ERBB4: variants seen among roughly 807,000 people sequenced by gnomAD.
The protein encoded by ERBB4 is receptor tyrosine-protein kinase erbB-4.
ERBB4 carries 42 observed loss-of-function variants against 158.0 expected under a neutral mutation model. The observed-to-expected ratio is 0.27, with a 90% CI of 0.21 to 0.34. The LOEUF is 0.34. ERBB4 is among the 10% of genes least tolerant of loss of function. The pLI is 1.00. For missense variants in ERBB4, 1,333 were observed against 1,624.1 expected (o/e 0.82, Z 3.08); for synonymous variants, 583 against 558.7 (o/e 1.04, Z -0.61).
At chr2:211,471,342 T>G (rs1267585035) in intron 20 of ERBB4, among the ~76,000 whole-genome samples, 2 of 152,082 alleles carry the variant, frequency 1.3e-5, no homozygotes, top group Non-Finnish European at 1.5e-5. Flanking sequence ...CTGAGCAAAT[T>G]TAAATGGTTG....
intron 17 of ERBB4, among the ~76,000 whole-genome samples, chr2:211,624,940 G>T (rs535510121): frequency 3.1e-4 from 47 of 152,048 alleles, no homozygotes; most frequent in Non-Finnish European, 6.2e-4. Flanking sequence ...TCACAGGGGG[G>T]GCTGGGTGTG....
chr2:212,086,454 A>G (rs2078615537), intron 2 of ERBB4, among the ~76,000 whole-genome samples: 1 of 151,966 alleles, frequency 6.6e-6, no homozygotes, highest in South Asian at 2.1e-4. Context: ...TAAGAAAAAA[A>G]GAAAACCAAA....
At chr2:212,534,339 A>T (rs1692923205) in intron 1 of ERBB4, among the ~76,000 whole-genome samples, 1 of 152,202 alleles carries the variant, frequency 6.6e-6, no homozygotes, top group Non-Finnish European at 1.5e-5. Context: ...CATTTTTTAA[A>T]TAGCAGTGGT....
intron 1 of ERBB4, among the ~76,000 whole-genome samples, chr2:212,531,093 A>G (rs1692731588): frequency 6.6e-6 from 1 of 152,122 alleles, no homozygotes; most frequent in Non-Finnish European, 1.5e-5. Context: ...TTCTCATGGG[A>G]GAGGCTTAAT....
intron 1 of ERBB4, among the ~76,000 whole-genome samples, chr2:212,281,542 C>T (rs2085759976): frequency 6.6e-6 from 1 of 151,678 alleles, no homozygotes; most frequent in Non-Finnish European, 1.5e-5. Flanking sequence ...ACATCAGTTG[C>T]TCTAGCTCTC....
chr2:211,440,095 G>A (rs1021991787), intron 20 of ERBB4, among the ~76,000 whole-genome samples: 2 of 152,146 alleles, frequency 1.3e-5, no homozygotes, highest in East Asian at 1.9e-4. Context: ...AACAGCATGT[G>A]CGAAAAACCT....
At chr2:212,055,106 A>G (rs1476368650) in intron 2 of ERBB4, among the ~76,000 whole-genome samples, 2 of 152,162 alleles carry the variant, frequency 1.3e-5, no homozygotes, top group African/African-American at 2.4e-5. Context: ...CCACCCTAAT[A>G]CTGTGCTTTT....
At chr2:212,363,807 CATG>C (rs2106367743) in intron 1 of ERBB4, among the ~76,000 whole-genome samples, 1 of 151,788 alleles carries the variant, frequency 6.6e-6, no homozygotes, top group Admixed American at 6.6e-5. Flanking sequence ...AGCCTCTATA[CATG>C]ATTATATATA....
At chr2:212,327,630 G>A (rs1312888193) in intron 1 of ERBB4, among the ~76,000 whole-genome samples, 1 of 151,758 alleles carries the variant, frequency 6.6e-6, no homozygotes, top group Non-Finnish European at 1.5e-5. Context: ...CATTAAGTGG[G>A]TCTGGGGAAG....
intron 2 of ERBB4, among the ~76,000 whole-genome samples, chr2:212,055,729 A>C (rs563437237): frequency 1.3e-5 from 2 of 152,376 alleles, no homozygotes; most frequent in East Asian, 3.9e-4. Context: ...TGACTGTTAG[A>C]AGGAAAAATA....
intron 2 of ERBB4, among the ~76,000 whole-genome samples, chr2:212,096,984 A>G (rs143092654): frequency 9.3e-4 from 141 of 152,342 alleles, no homozygotes; most frequent in African/African-American, 3.3e-3. Context: ...AGGAAAAAAC[A>G]TGGAAAACAA....
At chr2:212,344,496 G>GTGTGTGTGTGTGTA (rs2088885456) in intron 1 of ERBB4, among the ~76,000 whole-genome samples, 2 of 150,420 alleles carry the variant, frequency 1.3e-5, no homozygotes, top group African/African-American at 5.0e-5. Flanking sequence ...GTGTGTGTGT[G>GTGTGTGTGTGTGTA]TATATGTGTG....
chr2:211,736,180 A>T (rs973875700), intron 5 of ERBB4, among the ~76,000 whole-genome samples: 1 of 152,056 alleles, frequency 6.6e-6, no homozygotes, highest in Non-Finnish European at 1.5e-5. Flanking sequence ...GGAAAAAAAA[A>T]AAAAGATAAT....
chr2:212,200,613 A>G (rs776937257), intron 1 of ERBB4, among the ~76,000 whole-genome samples: 6 of 152,172 alleles, frequency 3.9e-5, no homozygotes, highest in African/African-American at 7.2e-5. Flanking sequence ...ACGTAAATAT[A>G]AAAGTAGTGC....
intron 1 of ERBB4, among the ~76,000 whole-genome samples, chr2:212,471,959 T>C (rs547767106): frequency 2.0e-5 from 3 of 152,002 alleles, no homozygotes; most frequent in Non-Finnish European, 4.4e-5. Context: ...TCACAAGTAC[T>C]TGAAACTCTC....
intron 1 of ERBB4, among the ~76,000 whole-genome samples, chr2:212,269,518 G>A (rs1276055667): frequency 6.6e-6 from 1 of 151,730 alleles, no homozygotes; most frequent in African/African-American, 2.4e-5. Flanking sequence ...TACTTACAGT[G>A]TAGACTTTTG....
intron 5 of ERBB4, among the ~76,000 whole-genome samples, chr2:211,737,598 A>G (rs1233497631): frequency 6.6e-6 from 1 of 152,322 alleles, no homozygotes; most frequent in South Asian, 2.1e-4. Context: ...GTGCCAGATT[A>G]GACACATTGC....
At position 211,380,083 on chromosome 2, in the gene ERBB4, T is replaced by C. The variant is rs985982249; in HGVS notation, c.*3532A>G. 4.3e-6 allele frequency: 1 copy of C among 232,012 alleles called. No homozygotes were observed. The highest frequency in any genetic ancestry group is 8.5e-6 in the Non-Finnish European group (1 of 117,402). The allele number at this position is 232,012 out of a possible 1,614,324, so 14.4% of individuals were successfully genotyped here. On this transcript the variant is annotated 3_prime_UTR_variant, in exon 28 of 28. Transcript: ENST00000342788. ...TTAGATATTCAGTCCTTCTCCCTAA[T>C]CTACAAAAAAGAATCACTTGATTTT...
chr2:212,222,990 C>T (rs1295743911), intron 1 of ERBB4, among the ~76,000 whole-genome samples: 1 of 151,414 alleles, frequency 6.6e-6, no homozygotes, highest in Non-Finnish European at 1.5e-5. Context: ...CATTAAGTGC[C>T]TCTTATATGC....
Sources: allele counts gnomAD v4.1 joint callset (sites outside exome capture counted in the v4.1 genomes callset), GRCh38; gene constraint gnomAD v4.1.1; transcripts MANE v1.5; gene names NCBI Gene and HGNC (gene_info 2026-07-23, HGNC 2026-07-21).